SDK1: variants seen among roughly 807,000 people sequenced by gnomAD.
SDK1 encodes the protein protein sidekick-1.
SDK1 carries 157 observed loss-of-function variants against 245.5 expected under a neutral mutation model. The observed-to-expected ratio is 0.64, with a 90% CI of 0.56 to 0.73. The LOEUF is 0.73. SDK1 is among the 30% of genes least tolerant of loss of function. SDK1 has a pLI of 0.00. For synonymous variants in SDK1, 1,647 were observed against 1,278.5 expected (o/e 1.29, Z -6.15); for missense variants, 3,583 against 3,002.3 (o/e 1.19, Z -4.52).
chr7:3,538,262 C>T (rs1482905512), intron 1 of SDK1, among the ~76,000 whole-genome samples: 1 of 152,150 alleles, frequency 6.6e-6, no homozygotes, highest in Non-Finnish European at 1.5e-5. Context: ...GCTTTCACAC[C>T]TCCCACTGCT....
intron 4 of SDK1, chr7:3,643,041 C>T (rs970934428): frequency 6.6e-6 from 1 of 152,296 alleles, no homozygotes; most frequent in Non-Finnish European, 1.5e-5. Flanking sequence ...CCTGCTCTCT[C>T]CCCTACCTGA....
intron 1 of SDK1, among the ~76,000 whole-genome samples, chr7:3,446,735 A>G (rs1292324381): frequency 1.3e-5 from 2 of 152,236 alleles, no homozygotes; most frequent in African/African-American, 2.4e-5. Flanking sequence ...CTAACAAATA[A>G]CTAGTATCAA....
chr7:4,174,079 T>C (rs1782020489), intron 32 of SDK1, 143 bp from the exon 33 acceptor site: 2 of 829,194 alleles, frequency 2.4e-6, no homozygotes, highest in Non-Finnish European at 2.0e-6. Flanking sequence ...TGGGTTCGTC[T>C]TGATGAATCT....
At chr7:3,659,361 C>T (rs1265296878) in intron 4 of SDK1, among the ~76,000 whole-genome samples, 1 of 152,040 alleles carries the variant, frequency 6.6e-6, no homozygotes, top group African/African-American at 2.4e-5. Flanking sequence ...AAACCAAACA[C>T]ATAAAGAAAG....
chr7:3,852,676 G>T (rs563355189), intron 5 of SDK1, among the ~76,000 whole-genome samples: 1 of 148,782 alleles, frequency 6.7e-6, no homozygotes. Context: ...GCGGGAACCC[G>T]GGAGGCAGAG....
chr7:3,632,343 C>T (rs1302909447), intron 2 of SDK1, among the ~76,000 whole-genome samples: 2 of 152,084 alleles, frequency 1.3e-5, no homozygotes, highest in African/African-American at 2.4e-5. Flanking sequence ...AACGGGAATC[C>T]CAGAGGAGGA....
intron 17 of SDK1, among the ~76,000 whole-genome samples, chr7:4,025,105 T>C (rs1787235965): frequency 6.6e-6 from 1 of 152,182 alleles, no homozygotes; most frequent in Non-Finnish European, 1.5e-5. Context: ...TACTTTGGTA[T>C]TTTCTGTTCT....
intron 22 of SDK1, among the ~76,000 whole-genome samples, chr7:4,108,585 C>G (rs1257604669): frequency 6.6e-6 from 1 of 152,196 alleles, no homozygotes; most frequent in African/African-American, 2.4e-5. Context: ...CCGGGGTATT[C>G]ATTATCTACG....
chr7:4,103,611 T>G lies in SDK1; in HGVS notation c.3325-7052T>G, dbSNP rs114925165. On this transcript the variant is annotated intron_variant, in intron 22 of 44. Coordinates refer to ENST00000404826, the MANE Select transcript of SDK1 (RefSeq NM_152744.4). ...TCCGTGTAAAGCAACCCATTTTCAGTACTGATTTTTAAATCATTCGCATGT... is the reference window on the plus strand; with the variant it reads ...TCCGTGTAAAGCAACCCATTTTCAGGACTGATTTTTAAATCATTCGCATGT... 1.8e-3 allele frequency among the ~76,000 whole-genome samples: 267 copies of G among 152,380 alleles called. 1 individual carries two copies. The highest frequency in any genetic ancestry group is 6.2e-3 in the African/African-American group (259 of 41,586).
chr7:3,911,597 C>T lies in SDK1; in HGVS notation c.848-39326C>T, dbSNP rs145785305. Among the ~76,000 whole-genome samples, 185 of 152,312 alleles carry T rather than the reference C, an allele frequency of 1.2e-3. 2 individuals are homozygous for T. Among genetic ancestry groups the T allele is most frequent in the African/African-American group, 4.1e-3 (170 of 41,584 alleles). On this transcript the variant is annotated intron_variant, in intron 5 of 44. Transcript: ENST00000404826. ...AGAGCTCCACCTCTTAATGCTATGA[C>T]CTTGGGTAGCAGGTTTCAACATATG...
chr7:3,585,832 G>A (rs1317819963), intron 1 of SDK1, among the ~76,000 whole-genome samples: 1 of 152,116 alleles, frequency 6.6e-6, no homozygotes, highest in Non-Finnish European at 1.5e-5. Flanking sequence ...TTTTGTCAGC[G>A]AGGAAATAAA....
chr7:3,782,385 C>T (rs1177327903), intron 4 of SDK1, among the ~76,000 whole-genome samples: 1 of 152,156 alleles, frequency 6.6e-6, no homozygotes, highest in Non-Finnish European at 1.5e-5. Flanking sequence ...CCCATCAGGC[C>T]TCACCTCCAA....
At chr7:4,166,195 A>G (rs1266658972) in intron 32 of SDK1, among the ~76,000 whole-genome samples, 1 of 152,228 alleles carries the variant, frequency 6.6e-6, no homozygotes, top group East Asian at 1.9e-4. Context: ...GAGGAGGGTT[A>G]CATCTGCCTG....
intron 38 of SDK1, among the ~76,000 whole-genome samples, chr7:4,216,212 G>A (rs1412749880): frequency 6.6e-6 from 1 of 152,216 alleles, no homozygotes; most frequent in Non-Finnish European, 1.5e-5. Flanking sequence ...AACGCCACAC[G>A]ATGGAGTGTG....
intron 5 of SDK1, among the ~76,000 whole-genome samples, chr7:3,885,538 A>G (rs574677772): frequency 2.0e-5 from 3 of 152,318 alleles, no homozygotes; most frequent in East Asian, 3.9e-4. Flanking sequence ...GGCCCCGTCT[A>G]GCACCTCAGG....
Position 3,988,875 on chromosome 7 carries a change from G to A in SDK1, c.2131+1553G>A, listed in dbSNP as rs574001474. 9.2e-5 allele frequency among the ~76,000 whole-genome samples: 14 copies of A among 152,092 alleles called. 1 individual carries two copies. The South Asian group carries it at 1.7e-3, about 18-fold the overall frequency. The stretch of plus-strand genomic sequence containing the variant: ...CAACCTCTGCCTCCTGGGTTCAAGC[G>A]ATTCTTCTGCCTCAGCCTCCCGAGT... On this transcript the variant is annotated intron_variant, in intron 14 of 44. Transcript: ENST00000404826.
chr7:3,891,532 G>A (rs1036737639), intron 5 of SDK1, among the ~76,000 whole-genome samples: 2 of 152,142 alleles, frequency 1.3e-5, no homozygotes, highest in African/African-American at 4.8e-5. Flanking sequence ...AAGCTGTCCT[G>A]TTTGTTTTTA....
intron 7 of SDK1, among the ~76,000 whole-genome samples, chr7:3,954,761 C>T (rs1016576105): frequency 6.7e-6 from 1 of 150,244 alleles, no homozygotes; most frequent in Non-Finnish European, 1.5e-5. Context: ...GTAGATGGTA[C>T]CAGCTCATAT....
intron 1 of SDK1, among the ~76,000 whole-genome samples, chr7:3,578,218 A>T (rs1356017923): frequency 6.6e-6 from 1 of 152,022 alleles, no homozygotes. Flanking sequence ...TAGGACCATG[A>T]TGCCCACCTG....
Sources: allele counts gnomAD v4.1 joint callset (sites outside exome capture counted in the v4.1 genomes callset), GRCh38; gene constraint gnomAD v4.1.1; transcripts MANE v1.5; gene names NCBI Gene and HGNC (gene_info 2026-07-23, HGNC 2026-07-21).